The following RNMT variants were observed in gnomAD, a reference collection of about 807,000 sequenced individuals.
The protein encoded by RNMT is mRNA cap guanine-N(7) methyltransferase.
RNMT carries 27 observed loss-of-function variants against 56.0 expected under a neutral mutation model. That is an observed-to-expected ratio of 0.48 (90% confidence interval 0.36 to 0.67). The LOEUF is 0.67. Ranked by LOEUF, RNMT falls within the 30% of genes least tolerant of loss-of-function variation. The pLI is 0.00. For synonymous variants in RNMT, 184 were observed against 176.2 expected (o/e 1.04, Z -0.35); for missense variants, 519 against 552.1 (o/e 0.94, Z 0.60).
In RNMT at chr18:13,740,271, A is replaced by G; in HGVS notation, c.784A>G (p.Ser262Gly). Residue 262 changes from serine to glycine, a missense_variant, in exon 6 of 12, where the codon AGC becomes GGC. Physicochemically the swap from Ser to Gly is moderately conservative, Grantham distance 56 (BLOSUM62 0). Transcript: ENST00000383314. ...CAGTGCAGAATTTATAACTGCTGAC[A>G]GCTCAAAGGTACAGTTTCTTTCTTT... ...IFSAEFITAD[S>G]SKELLIDKFR... The G allele has an allele frequency of 6.6e-7, 1 of 1,511,028 alleles. No individual in the cohort carries two copies. The highest frequency in any genetic ancestry group is 2.3e-5 in the East Asian group (1 of 44,372). The allele number at this position is 1,511,028 out of a possible 1,614,324, so 93.6% of individuals were successfully genotyped here.
intron 3 of RNMT, 41 bp downstream of exon 3, chr18:13,731,975 T>G (rs750948613): frequency 6.7e-7 from 1 of 1,488,992 alleles, no homozygotes; most frequent in South Asian, 1.3e-5. Flanking sequence ...ATAGAATATG[T>G]AAGTTTGAAA....
In RNMT at chr18:13,746,125, TA is replaced by T. The variant is rs2044348036; in HGVS notation, c.1140-94del. The T allele has an allele frequency of 6.2e-5, 42 of 676,136 alleles. No individual in the cohort carries two copies. The East Asian group carries it at 1.1e-3, about 17-fold the overall frequency. 41.9% of individuals were successfully genotyped at this position (676,136 alleles called of 1,614,324 possible). On this transcript the variant is annotated intron_variant, in intron 8 of 11. Coordinates refer to ENST00000383314, the MANE Select transcript of RNMT (RefSeq NM_003799.3). ...TTTATCAAGGGAGTGGTAGCTTTTT[TA>T]GTTAAGTCCAGAAGATGTCATTGCT...
At position 13,759,812 on chromosome 18, in the gene RNMT, A is replaced by G. The variant is rs1367247208; in HGVS notation, c.1394-130A>G. 27 of 695,106 alleles carry G rather than the reference A, an allele frequency of 3.9e-5. No individual in the cohort carries two copies. The South Asian group carries it at 4.6e-4, about 12-fold the overall frequency. The allele number at this position is 695,106 out of a possible 1,614,324, so 43.1% of individuals were successfully genotyped here. On this transcript the variant is annotated intron_variant, in intron 11 of 11. Coordinates refer to ENST00000383314, the MANE Select transcript of RNMT (RefSeq NM_003799.3). ...TTCAAATAATAGAGGAACTCTTAGA[A>G]TTAATGGGGATTTTCCTCTTCAGAA...
rs1018363133 is a variant in RNMT, at chr18:13,764,524, A to G, written c.*4545A>G. ...CATTCTCATGGTTGTATAATATTTC[A>G]TTGTGTGAATAAACCACATACTGTT... On this transcript the variant is annotated 3_prime_UTR_variant, in exon 12 of 12. Coordinates refer to ENST00000383314, the MANE Select transcript of RNMT (RefSeq NM_003799.3). 6.6e-6 allele frequency: 1 copy of G among 152,204 alleles called. No individual in the cohort carries two copies. The highest frequency in any genetic ancestry group is 2.4e-5 in the African/African-American group (1 of 41,440). 9.4% of individuals were successfully genotyped at this position (152,204 alleles called of 1,614,324 possible).
chr18:13,762,814 G>A lies in RNMT; in HGVS notation c.*2835G>A, dbSNP rs1356002435. ...TTTTCAGCCTGTTTTTTAGCTTAGTGCCATTATGTCATTTTGATTTGTATT... is the reference window on the plus strand; with the variant it reads ...TTTTCAGCCTGTTTTTTAGCTTAGTACCATTATGTCATTTTGATTTGTATT... On this transcript the variant is annotated 3_prime_UTR_variant, in exon 12 of 12. Transcript: ENST00000383314. 6 of 280,300 alleles carry A rather than the reference G, an allele frequency of 2.1e-5. No individual in the cohort carries two copies. The highest frequency in any genetic ancestry group is 1.3e-4 in the Admixed American group (3 of 23,876). 17.4% of individuals were successfully genotyped at this position (280,300 alleles called of 1,614,324 possible). A position where few individuals can be genotyped will look rare whatever the true frequency, so the allele number is the denominator to read the frequency against.
intron 6 of RNMT, among the ~76,000 whole-genome samples, chr18:13,741,123 C>T (rs2044244624): frequency 1.3e-5 from 2 of 152,278 alleles, no homozygotes; most frequent in African/African-American, 4.8e-5. Flanking sequence ...GAGTATACTG[C>T]CAGAAAGTTG....
intron 9 of RNMT, among the ~76,000 whole-genome samples, 175 bp from the exon 10 acceptor site, chr18:13,752,151 G>T (rs538606077): frequency 2.6e-5 from 4 of 151,954 alleles, no homozygotes; most frequent in Middle Eastern, 3.4e-3. Flanking sequence ...GTTTAAGAGA[G>T]GATTCTTCCT....
rs143878947 is a variant in RNMT at position 13,752,225 on chromosome 18, C to T, written c.1258-101C>T. 1.1e-3 allele frequency: 722 copies of T among 686,288 alleles called. 2 individuals carry two copies. The highest frequency in any genetic ancestry group is 1.9e-3 in the Admixed American group (79 of 42,198). 42.5% of individuals were successfully genotyped at this position (686,288 alleles called of 1,614,324 possible). ...GTTTGTATTCCTGAAGTAGTACTTA[C>T]GGATTATTCTCCTAATTATGTTATT... On this transcript the variant is annotated intron_variant, in intron 9 of 11. Transcript: ENST00000383314.
chr18:13,747,464 C>T (rs2044371550), intron 9 of RNMT, among the ~76,000 whole-genome samples: 1 of 152,300 alleles, frequency 6.6e-6, no homozygotes, highest in Middle Eastern at 3.4e-3. Context: ...AAGCAATCCT[C>T]CCGCCTTGGC....
chr18:13,738,757 G>T (rs1602008810), intron 5 of RNMT, among the ~76,000 whole-genome samples: 1 of 152,186 alleles, frequency 6.6e-6, no homozygotes, highest in African/African-American at 2.4e-5. Context: ...AGTTTTTCAG[G>T]GTTGTAATTC....
In RNMT at chr18:13,760,424, G is replaced by A. The variant is rs532262293; in HGVS notation, c.*445G>A. On this transcript the variant is annotated 3_prime_UTR_variant, in exon 12 of 12. Transcript: ENST00000383314. Reference sequence around the variant, plus strand: ...TATATAGCATTTTTCAACATTTAATGGTCTGTACAGTTGAATGTAAGTGTT... The same window carrying A: ...TATATAGCATTTTTCAACATTTAATAGTCTGTACAGTTGAATGTAAGTGTT... 1.0e-6 allele frequency: 1 copy of A among 986,980 alleles called. No individual in the cohort carries two copies. Among genetic ancestry groups the A allele is most frequent in the Non-Finnish European group, 1.2e-6 (1 of 830,564 alleles). 61.1% of individuals were successfully genotyped at this position (986,980 alleles called of 1,614,324 possible). A position where few individuals can be genotyped will look rare whatever the true frequency, so the allele number is the denominator to read the frequency against.
intron 6 of RNMT, among the ~76,000 whole-genome samples, 171 bp downstream of exon 6, chr18:13,740,450 A>G (rs2044234283): frequency 6.6e-6 from 1 of 152,186 alleles, no homozygotes; most frequent in Non-Finnish European, 1.5e-5. Flanking sequence ...ATCTCAGCTT[A>G]CTGCAACCTC....
intron 5 of RNMT, among the ~76,000 whole-genome samples, chr18:13,737,543 GA>G (rs566356705): frequency 2.2e-4 from 31 of 143,648 alleles, no homozygotes; most frequent in South Asian, 4.4e-4. Flanking sequence ...ACTCCGTCTC[GA>G]AAAAAAAAAA....
At chr18:13,739,116 GT>G (rs1374423974) in intron 5 of RNMT, among the ~76,000 whole-genome samples, 1 of 152,090 alleles carries the variant, frequency 6.6e-6, no homozygotes, top group Non-Finnish European at 1.5e-5. Context: ...CATAACCGTA[GT>G]TTGTCAGTCA....
At chr18:13,747,736 T>C (rs1598422800) in intron 9 of RNMT, among the ~76,000 whole-genome samples, 1 of 152,200 alleles carries the variant, frequency 6.6e-6, no homozygotes, top group Non-Finnish European at 1.5e-5. Flanking sequence ...TCAGTAAAAT[T>C]TCATATTCCT....
At chr18:13,757,803 T>G (rs147570773) in intron 11 of RNMT, among the ~76,000 whole-genome samples, 13 of 152,368 alleles carry the variant, frequency 8.5e-5, no homozygotes, top group African/African-American at 2.9e-4. Context: ...TCAGGTTTTT[T>G]ATTTACTTCA....
chr18:13,738,380 C>T (rs2149089300), intron 5 of RNMT, among the ~76,000 whole-genome samples: 1 of 152,274 alleles, frequency 6.6e-6, no homozygotes, highest in South Asian at 2.1e-4. Context: ...ACACCTGTTT[C>T]TGCATCCAAT....
Position 13,762,297 on chromosome 18 carries a change from T to A in RNMT, c.*2318T>A. The A allele has an allele frequency of 9.6e-7, 1 of 1,042,292 alleles. No homozygotes were observed. Among genetic ancestry groups the A allele is most frequent in the Non-Finnish European group, 1.4e-6 (1 of 740,388 alleles). 64.6% of individuals were successfully genotyped at this position (1,042,292 alleles called of 1,614,324 possible). On this transcript the variant is annotated 3_prime_UTR_variant, in exon 12 of 12. Transcript: ENST00000383314. Reference sequence around the variant, plus strand: ...GATGTTGAATTCTTTGGGCCTAGAATATACTTGAGAAAGCACTAGTGGCTT... The same window carrying A: ...GATGTTGAATTCTTTGGGCCTAGAAAATACTTGAGAAAGCACTAGTGGCTT...
At chr18:13,731,347 G>A in intron 2 of RNMT, 129 bp from the exon 3 acceptor site, 1 of 460,896 alleles carries the variant, frequency 2.2e-6, no homozygotes, top group Non-Finnish European at 3.8e-6. Flanking sequence ...GGCGGAGCTT[G>A]CAGTGAGCCG....
Sources: gnomAD v4.1 joint callset for allele counts (sites outside exome capture counted in the v4.1 genomes callset) on GRCh38, gnomAD v4.1.1 for gene constraint, MANE v1.5 for transcripts, NCBI Gene and HGNC (gene_info 2026-07-23, HGNC 2026-07-21) for gene names.